The following GALK2 variants were observed in gnomAD, a reference collection of about 807,000 sequenced individuals.
GALK2 encodes the protein galactokinase 2, also known as N-acetylgalactosamine kinase.
Under a neutral mutation model 52.4 loss-of-function variants are expected in GALK2, and 36 were observed. The observed-to-expected ratio is 0.69, with a 90% CI of 0.53 to 0.91. GALK2 has a LOEUF of 0.91. Among genes scored for constraint, GALK2 ranks in the 40% least tolerant of loss-of-function variants. The pLI, the probability that GALK2 is intolerant of heterozygous loss-of-function variation, is 0.00. For missense variants in GALK2, 579 were observed against 559.1 expected, an observed-to-expected ratio of 1.04 and a Z score of -0.36; for synonymous variants, 176 against 199.1, an observed-to-expected ratio of 0.88 and a Z score of 0.98.
rs80038250 is a variant in GALK2 at position 49,346,144 on chromosome 15, T to C, written c.427-21347T>C. Among the ~76,000 whole-genome samples, 5 of 152,040 alleles carry C rather than the reference T, an allele frequency of 3.3e-5. No homozygotes were observed. In the East Asian group the frequency reaches 9.7e-4, roughly 29 times the overall value. On this transcript the variant is annotated intron_variant, in intron 3 of 3. Transcript: ENST00000558399. ...CTGGCTGCTTGATAGATACCATCCATAGTTCACCAAAACAACACTTCCGTT... is the reference window on the plus strand; with the variant it reads ...CTGGCTGCTTGATAGATACCATCCACAGTTCACCAAAACAACACTTCCGTT...
chr15:49,201,057 T>G (rs879047964), intron 1 of GALK2, 105 bp from the exon 2 acceptor site: 15 of 383,806 alleles, frequency 3.9e-5, no homozygotes, highest in Non-Finnish European at 7.5e-5. Flanking sequence ...ATATGGAGTG[T>G]GTGTGTGTGT....
At chr15:49,298,071 T>C (rs1173884691) in intron 8 of GALK2, among the ~76,000 whole-genome samples, 3 of 152,154 alleles carry the variant, frequency 2.0e-5, no homozygotes, top group African/African-American at 7.2e-5. Flanking sequence ...TTCCCATTTG[T>C]TTGTGTTGTC....
At chr15:49,261,036 G>A (rs1026328909) in intron 5 of GALK2, among the ~76,000 whole-genome samples, 2 of 151,674 alleles carry the variant, frequency 1.3e-5, no homozygotes, top group Admixed American at 6.6e-5. Context: ...CTTAGGATTG[G>A]CTTGGCAATG....
chr15:49,223,588 T>C (rs116552538), intron 3 of GALK2, among the ~76,000 whole-genome samples: 2,625 of 152,282 alleles, frequency 0.017, 96 homozygotes, highest in African/African-American at 0.061. Context: ...CCCATCTTTA[T>C]GTCCCTGTGT....
At chr15:49,321,588 G>A (rs1488464983) in intron 9 of GALK2, among the ~76,000 whole-genome samples, 1 of 152,118 alleles carries the variant, frequency 6.6e-6, no homozygotes, top group Non-Finnish European at 1.5e-5. Flanking sequence ...CACCACTGTA[G>A]GTAAGAGTTA....
chr15:49,367,550 T>C (rs745451388), exon 4 of GALK2: 3 of 1,606,282 alleles, frequency 1.9e-6, no homozygotes, highest in Non-Finnish European at 1.7e-6. Context: ...CAATGGACTC[T>C]GACCTCCAAA....
At chr15:49,181,381 A>G (rs560672405) in intron 1 of GALK2, among the ~76,000 whole-genome samples, 6 of 152,034 alleles carry the variant, frequency 3.9e-5, no homozygotes, top group African/African-American at 1.4e-4. Flanking sequence ...CTGGGATTAC[A>G]TACATGAGCC....
chr15:49,233,314 A>G (rs1229630365), intron 3 of GALK2, among the ~76,000 whole-genome samples: 2 of 152,142 alleles, frequency 1.3e-5, no homozygotes, highest in East Asian at 3.9e-4. Flanking sequence ...GAGCTCTATC[A>G]TGAAAACAAT....
At chr15:49,338,100 CT>C (rs1332988782) in intron 3 of GALK2, among the ~76,000 whole-genome samples, 1 of 152,100 alleles carries the variant, frequency 6.6e-6, no homozygotes, top group Non-Finnish European at 1.5e-5. Context: ...ATTGTTGTGT[CT>C]TTTAATTGGG....
rs78068042 is a variant in GALK2, at chr15:49,201,757, A to G, written c.142+507A>G. On this transcript the variant is annotated intron_variant, in intron 2 of 9. Transcript: ENST00000560031. ...ACCTTTCAACATTTTGTTTACTATC[A>G]TTTTATCAATGTCCCTATATATAAT... 5.6e-3 allele frequency among the ~76,000 whole-genome samples: 858 copies of G among 152,270 alleles called. 6 individuals carry two copies. Among genetic ancestry groups the G allele is most frequent in the African/African-American group, 0.02 (816 of 41,554 alleles).
chr15:49,225,131 A>G, intron 3 of GALK2: 1 of 446,704 alleles, frequency 2.2e-6, no homozygotes, highest in Admixed American at 2.4e-5. Flanking sequence ...TGACCCTCTC[A>G]GCAGGTCTGT....
At chr15:49,274,463 C>G (rs2141708745) in intron 5 of GALK2, among the ~76,000 whole-genome samples, 1 of 152,274 alleles carries the variant, frequency 6.6e-6, no homozygotes. Context: ...GGCAGTTGCT[C>G]TGGGTGAGTC....
chr15:49,210,959 A>T (rs889194371), intron 2 of GALK2, among the ~76,000 whole-genome samples: 31 of 107,976 alleles, frequency 2.9e-4, no homozygotes, highest in Admixed American at 3.4e-4. Context: ...GTTGGCTGTC[A>T]CACACACACA....
At chr15:49,294,268 G>A (rs1168627121) in intron 8 of GALK2, among the ~76,000 whole-genome samples, 1 of 152,084 alleles carries the variant, frequency 6.6e-6, no homozygotes, top group East Asian at 1.9e-4. Flanking sequence ...TTCCTAGGTA[G>A]GCAAACAGTC....
chr15:49,224,354 G>A (rs908967197), intron 3 of GALK2, among the ~76,000 whole-genome samples: 11 of 152,130 alleles, frequency 7.2e-5, no homozygotes, highest in African/African-American at 2.4e-4. Context: ...GGTCTCACTT[G>A]TCAATTTTTG....
chr15:49,306,126 T>TC lies in GALK2; in HGVS notation c.968-13475dup, dbSNP rs552907595. ...CCACATTTGGCACATGATTCAGAGCTCCCTCACTTTCAGTCACCCCAGGTC... is the reference window on the plus strand; with the variant it reads ...CCACATTTGGCACATGATTCAGAGCTCCCCTCACTTTCAGTCACCCCAGGTC... On this transcript the variant is annotated intron_variant, in intron 8 of 9. Transcript: ENST00000560031. Among the ~76,000 whole-genome samples the TC allele has an allele frequency of 1.9e-3, 292 of 152,044 alleles. 1 individual carries two copies. Among genetic ancestry groups the TC allele is most frequent in the Admixed American group, 0.011 (166 of 15,224 alleles).
chr15:49,276,527 A>G (rs2031691356), intron 5 of GALK2, among the ~76,000 whole-genome samples: 1 of 152,184 alleles, frequency 6.6e-6, no homozygotes, highest in Non-Finnish European at 1.5e-5. Flanking sequence ...GATTTTACAT[A>G]ATTTAAGTAG....
At chr15:49,187,159 C>A (rs1449648828) in intron 1 of GALK2, among the ~76,000 whole-genome samples, 1 of 152,184 alleles carries the variant, frequency 6.6e-6, no homozygotes, top group Non-Finnish European at 1.5e-5. Flanking sequence ...GGGGGTACCC[C>A]ACACCCAGTA....
chr15:49,305,354 A>G (rs1269944750), intron 8 of GALK2, among the ~76,000 whole-genome samples: 5 of 152,214 alleles, frequency 3.3e-5, no homozygotes, highest in Admixed American at 3.3e-4. Flanking sequence ...ATGACAGGCC[A>G]CCACTCTATA....
Sources: allele counts gnomAD v4.1 joint callset (sites outside exome capture counted in the v4.1 genomes callset), GRCh38; gene constraint gnomAD v4.1.1; transcripts MANE v1.5; gene names NCBI Gene and HGNC (gene_info 2026-07-23, HGNC 2026-07-21).